The following PHLPP1 variants were observed in gnomAD, a reference collection of about 807,000 sequenced individuals.
PHLPP1 encodes the protein PH domain and leucine rich repeat protein phosphatase 1.
In PHLPP1, 42 loss-of-function variants were observed where a neutral mutation model predicts 117.2. The observed-to-expected ratio is 0.36, with a 90% CI of 0.28 to 0.46. PHLPP1 has a LOEUF of 0.46. Ranked by LOEUF, PHLPP1 falls within the 20% of genes least tolerant of loss-of-function variation. PHLPP1 has a pLI of 1.00. For missense variants in PHLPP1, 2,084 were observed against 2,241.9 expected (o/e 0.93, Z 1.42); for synonymous variants, 1,042 against 970.7 (o/e 1.07, Z -1.37).
chr18:62,871,687 C>T (rs1405656619), intron 4 of PHLPP1, among the ~76,000 whole-genome samples: 1 of 149,772 alleles, frequency 6.7e-6, no homozygotes, highest in African/African-American at 2.5e-5. Flanking sequence ...GTCTGTCCCC[C>T]AGGCTGGAGT....
In PHLPP1 at chr18:62,895,896, G is replaced by T; in HGVS notation, c.2329G>T (p.Glu777Ter). ...LSFNEFTDIP[E>*]VLEKLTAVDK... Reference sequence around the variant, plus strand: ...TTTCAATGAATTTACTGACATTCCCGAAGTATTGGAGAAATTGACTGCTGT... The same window carrying T: ...TTTCAATGAATTTACTGACATTCCCTAAGTATTGGAGAAATTGACTGCTGT... Residue 777 changes from glutamate (E) to a stop codon, truncating the protein, a stop_gained, in exon 6 of 17, where the codon GAA (glutamate) becomes TAA (stop). Transcript: ENST00000262719. LOFTEE classifies it high-confidence loss of function. The T allele has an allele frequency of 6.2e-7, 1 of 1,613,016 alleles. No individual in the cohort carries two copies. The highest frequency in any genetic ancestry group is 8.5e-7 in the Non-Finnish European group (1 of 1,179,040).
intron 2 of PHLPP1, among the ~76,000 whole-genome samples, chr18:62,834,865 C>T (rs186332150): frequency 1.0e-3 from 154 of 152,008 alleles, no homozygotes; most frequent in Middle Eastern, 6.8e-3. Context: ...TTCCTTTCCT[C>T]CCACCCTCTC....
chr18:62,870,435 A>G (rs1013930171), intron 4 of PHLPP1, among the ~76,000 whole-genome samples: 1 of 152,240 alleles, frequency 6.6e-6, no homozygotes, highest in Admixed American at 6.5e-5. Context: ...CCAGTCACTT[A>G]GTGTGGTGGC....
At chr18:62,960,576 C>G (rs969744805) in intron 13 of PHLPP1, among the ~76,000 whole-genome samples, 1 of 151,946 alleles carries the variant, frequency 6.6e-6, no homozygotes, top group Non-Finnish European at 1.5e-5. Context: ...TCAAAATAAA[C>G]CAAGGACATT....
intron 3 of PHLPP1, among the ~76,000 whole-genome samples, chr18:62,842,779 A>G (rs1174665134): frequency 1.3e-5 from 2 of 152,268 alleles, no homozygotes; most frequent in African/African-American, 4.8e-5. Flanking sequence ...AATGAATTGT[A>G]AAGGACTGAT....
chr18:62,819,622 T>C (rs1599064039), intron 1 of PHLPP1, among the ~76,000 whole-genome samples: 1 of 152,310 alleles, frequency 6.6e-6, no homozygotes, highest in African/African-American at 2.4e-5. Flanking sequence ...AGGTAACTGC[T>C]GCCTACAAGA....
chr18:62,841,408 C>T (rs1245183473), intron 3 of PHLPP1, among the ~76,000 whole-genome samples: 1 of 149,584 alleles, frequency 6.7e-6, no homozygotes, highest in Non-Finnish European at 1.5e-5. Flanking sequence ...TCTTGGCTCA[C>T]TGCAACCTAT....
At chr18:62,742,958 T>G (rs1347351468) in intron 1 of PHLPP1, among the ~76,000 whole-genome samples, 1 of 152,200 alleles carries the variant, frequency 6.6e-6, no homozygotes, top group Non-Finnish European at 1.5e-5. Flanking sequence ...CAATTCAGTG[T>G]GTTCTCTTAA....
intron 1 of PHLPP1, among the ~76,000 whole-genome samples, chr18:62,758,522 C>T (rs1043169253): frequency 6.6e-6 from 1 of 151,742 alleles, no homozygotes; most frequent in Non-Finnish European, 1.5e-5. Context: ...CACAGAAACC[C>T]CTAATTAGCA....
In PHLPP1 at chr18:62,978,192, G is replaced by A. The variant is rs550750812; in HGVS notation, c.3985-70G>A. ...TACAGTCGAGACAGTCGAGGGACCC[G>A]CAGGGAACCTGCACAGTTGCCGCAG... On this transcript the variant is annotated intron_variant, in intron 16 of 16. Transcript: ENST00000262719. The surrounding 1 kb of genome is among the most constrained non-coding windows in gnomAD (Gnocchi z 7.0). The A allele has an allele frequency of 2.1e-5, 19 of 888,618 alleles. No homozygotes were observed. Among genetic ancestry groups the A allele is most frequent in the Middle Eastern group, 3.4e-4 (1 of 2,914 alleles). The allele number at this position is 888,618 out of a possible 1,614,324, so 55.0% of individuals were successfully genotyped here.
intron 1 of PHLPP1, among the ~76,000 whole-genome samples, chr18:62,768,375 A>C (rs1912626390): frequency 6.6e-6 from 1 of 152,220 alleles, no homozygotes. Context: ...GTGAGGCAGG[A>C]AGTACAGCAT....
At position 62,895,060 on chromosome 18, in the gene PHLPP1, T is replaced by G; in HGVS notation, c.2116T>G (p.Phe706Val). Residue 706 changes from phenylalanine (F) to valine (V), a missense_variant, in exon 5 of 17, where the codon TTC becomes GTC. Physicochemically the swap from Phe to Val is conservative, Grantham distance 50 (BLOSUM62 -1). This residue lies in a region of PHLPP1 where 1,365 missense variants were observed against 1,605.9 expected (regional missense o/e 0.85). Transcript: ENST00000262719. Reference protein sequence around the residue: ...LNLSNNHLGDFPLAVCSIPTL... With the variant: ...LNLSNNHLGDVPLAVCSIPTL... ...CCTTTCCAATAATCATTTAGGGGACTTCCCACTGGCAGTCTGCAGTATTCC... is the reference window on the plus strand; with the variant it reads ...CCTTTCCAATAATCATTTAGGGGACGTCCCACTGGCAGTCTGCAGTATTCC... The G allele has an allele frequency of 6.2e-7, 1 of 1,613,404 alleles. No homozygotes were observed.
chr18:62,951,812 A>ATTT (rs34516044), intron 12 of PHLPP1, among the ~76,000 whole-genome samples: 4 of 101,406 alleles, frequency 3.9e-5, no homozygotes, highest in Non-Finnish European at 3.9e-5. Flanking sequence ...CACATAATTA[A>ATTT]TTTTTTTTTT....
rs903535337 is a variant in PHLPP1, at chr18:62,979,791, C to T, written c.*360C>T. 1.0e-5 allele frequency: 2 copies of T among 196,002 alleles called. No individual in the cohort carries two copies. Among genetic ancestry groups the T allele is most frequent in the African/African-American group, 2.3e-5 (1 of 42,832 alleles). 12.1% of individuals were successfully genotyped at this position (196,002 alleles called of 1,614,324 possible). A position where few individuals can be genotyped will look rare whatever the true frequency, so the allele number is the denominator to read the frequency against. On this transcript the variant is annotated 3_prime_UTR_variant, in exon 17 of 17. Transcript: ENST00000262719. Reference sequence around the variant, plus strand: ...TTGTTTGGAAGGCAGGGCAGGCTGCCGTTGCTAAATGATTTAATAATATTG... The same window carrying T: ...TTGTTTGGAAGGCAGGGCAGGCTGCTGTTGCTAAATGATTTAATAATATTG...
chr18:62,746,312 T>G (rs1346389734), intron 1 of PHLPP1, among the ~76,000 whole-genome samples: 2 of 152,238 alleles, frequency 1.3e-5, no homozygotes, highest in Non-Finnish European at 2.9e-5. Context: ...CCCAAAGTGC[T>G]GGGATTACAG....
At chr18:62,814,664 A>G (rs1336659207) in intron 1 of PHLPP1, among the ~76,000 whole-genome samples, 2 of 152,222 alleles carry the variant, frequency 1.3e-5, no homozygotes, top group Non-Finnish European at 2.9e-5. Flanking sequence ...GTAGCTTTAT[A>G]TAGTGATCAT....
At chr18:62,851,715 T>C (rs1183702851) in intron 3 of PHLPP1, among the ~76,000 whole-genome samples, 1 of 152,122 alleles carries the variant, frequency 6.6e-6, no homozygotes, top group East Asian at 1.9e-4. Flanking sequence ...TGCCTCGGCC[T>C]CCCAAAGTGC....
Position 62,776,195 on chromosome 18 carries a change from G to GT in PHLPP1, c.1577-53837dup, listed in dbSNP as rs1179032228. 7.2e-5 allele frequency among the ~76,000 whole-genome samples: 11 copies of GT among 152,310 alleles called. No individual in the cohort carries two copies. In the South Asian group the frequency reaches 2.1e-3, roughly 29 times the overall value. ...TTAAGATTCTGTGCTACAGTCTTGA[G>GT]TTTGAAGTTTGTAGGGCTGGCCAGC... On this transcript the variant is annotated intron_variant, in intron 1 of 16. Coordinates refer to ENST00000262719, the MANE Select transcript of PHLPP1 (RefSeq NM_194449.4).
At chr18:62,864,606 C>G (rs1477150571) in intron 4 of PHLPP1, among the ~76,000 whole-genome samples, 1 of 152,180 alleles carries the variant, frequency 6.6e-6, no homozygotes, top group African/African-American at 2.4e-5. Context: ...AAGAGTACAA[C>G]AGCAATATAT....
Sources: gnomAD v4.1 joint callset for allele counts (sites outside exome capture counted in the v4.1 genomes callset) on GRCh38, gnomAD v4.1.1 for gene constraint, gnomAD v4.1.1 regional missense constraint, Gnocchi (gnomAD v3.1) non-coding constraint, MANE v1.5 for transcripts, NCBI Gene and HGNC (gene_info 2026-07-23, HGNC 2026-07-21) for gene names.